Variants in RFC1 observed in about 807,000 individuals in gnomAD.
The protein encoded by RFC1 is replication factor C subunit 1, also known as A1 140 kDa subunit.
RFC1 carries 37 observed loss-of-function variants against 137.4 expected under a neutral mutation model. That is an observed-to-expected ratio of 0.27 (90% CI 0.21 to 0.35). RFC1 has a LOEUF of 0.35. Among genes scored for constraint, RFC1 ranks in the 10% least tolerant of loss-of-function variants. The pLI is 1.00. For missense variants in RFC1, 1,205 were observed against 1,358.5 expected (o/e 0.89, Z 1.78); for synonymous variants, 429 against 455.7 (o/e 0.94, Z 0.75).
At chr4:39,352,586 T>C (rs982632784) in intron 1 of RFC1, among the ~76,000 whole-genome samples, 1 of 152,252 alleles carries the variant, frequency 6.6e-6, no homozygotes, top group African/African-American at 2.4e-5. Flanking sequence ...CTACTTTATC[T>C]GTTTTCTCCT....
chr4:39,294,691 GAAAAGAAAA>G (rs1171277870), intron 22 of RFC1, among the ~76,000 whole-genome samples: 4 of 149,148 alleles, frequency 2.7e-5, no homozygotes, highest in African/African-American at 4.9e-5. Flanking sequence ...AAAAAGAAAA[GAAAAGAAAA>G]AAAAGAAAAA....
chr4:39,308,653 G>A lies in RFC1; in HGVS notation c.1868C>T (p.Ser623Phe), dbSNP rs1404170132. 2.5e-6 allele frequency: 4 copies of A among 1,610,084 alleles called. No homozygotes were observed. The highest frequency in any genetic ancestry group is 1.7e-5 in the Admixed American group (1 of 59,404). ...AAAATCACCGTGTTTTTTATCTTCG[G>A]AAGAACTCTTTTGCCAGTTTCGGAG... ...RWLRNWQKSS[S>F]EDKKHAKFGK... Residue 623 changes from serine (S) to phenylalanine (F), a missense_variant, in exon 13 of 25, where the codon TCC (serine) becomes TTC (phenylalanine). By Grantham distance (155) the Ser-to-Phe change is radical (BLOSUM62 -2). This residue lies in a region of RFC1 where 962 missense variants were observed against 1,035.3 expected (regional missense o/e 0.93). Transcript: ENST00000349703.
At chr4:39,306,493 C>CAA in intron 14 of RFC1, 99 bp downstream of exon 14, 2 of 660,592 alleles carry the variant, frequency 3.0e-6, no homozygotes, top group South Asian at 3.5e-5. Context: ...AGACACCACA[C>CAA]ACACACATGC....
chr4:39,338,899 A>C (rs1459734151), intron 4 of RFC1, among the ~76,000 whole-genome samples: 1 of 152,074 alleles, frequency 6.6e-6, no homozygotes, highest in African/African-American at 2.4e-5. Context: ...TGTAACCTCT[A>C]ATCAATATCT....
rs934649322 is a variant in RFC1, at chr4:39,300,141, G to A, written c.2691-3C>T. ...TCAGGTGCTTTTTCATGTCACCCCT[G>A]CAGGAAAGAACCAGTCTGGATTATC... On this transcript the variant is annotated splice_polypyrimidine_tract_variant and splice_region_variant and intron_variant, in intron 20 of 24. Transcript: ENST00000349703. 6.2e-7 allele frequency: 1 copy of A among 1,612,784 alleles called. No homozygotes were observed. Among genetic ancestry groups the A allele is most frequent in the African/African-American group, 1.3e-5 (1 of 74,834 alleles).
At chr4:39,294,730 T>C (rs4580661) in intron 22 of RFC1, among the ~76,000 whole-genome samples, 78,322 of 151,294 alleles carry the variant, frequency 0.52, 21,979 homozygotes, top group African/African-American at 0.75. Context: ...AGGCCAGGCA[T>C]GGCGGCTCAC....
chr4:39,321,440 G>A, intron 7 of RFC1, 66 bp from the exon 8 acceptor site: 1 of 1,461,334 alleles, frequency 6.8e-7, no homozygotes, highest in Non-Finnish European at 9.4e-7. Context: ...AAAATCTGTT[G>A]TTAAAATCCA....
chr4:39,361,833 G>A (rs1164551459), intron 1 of RFC1, among the ~76,000 whole-genome samples: 1 of 152,204 alleles, frequency 6.6e-6, no homozygotes, highest in Non-Finnish European at 1.5e-5. Flanking sequence ...CTGATCACGA[G>A]GTCAGGAGAT....
intron 13 of RFC1, among the ~76,000 whole-genome samples, chr4:39,307,071 C>G (rs1423978423): frequency 1.3e-5 from 2 of 152,168 alleles, no homozygotes; most frequent in Non-Finnish European, 2.9e-5. Context: ...TTAGAAGTGA[C>G]TTAGCCCCTC....
At chr4:39,306,251 G>A (rs928847295) in intron 14 of RFC1, among the ~76,000 whole-genome samples, 1 of 152,140 alleles carries the variant, frequency 6.6e-6, no homozygotes, top group African/African-American at 2.4e-5. Flanking sequence ...TAATTATTCA[G>A]TACACAGAAT....
chr4:39,289,720 T>C (rs1737564403), intron 24 of RFC1, 128 bp downstream of exon 24: 1 of 677,212 alleles, frequency 1.5e-6, no homozygotes, highest in Admixed American at 2.5e-5. Context: ...CCCTCAACCA[T>C]GATGAACAAA....
At chr4:39,363,734 A>T (rs936047125) in intron 1 of RFC1, among the ~76,000 whole-genome samples, 4 of 151,994 alleles carry the variant, frequency 2.6e-5, no homozygotes, top group African/African-American at 9.7e-5. Flanking sequence ...CTAAAAATAA[A>T]AAAATAAAAT....
intron 1 of RFC1, among the ~76,000 whole-genome samples, chr4:39,364,080 T>TAAAA (rs34471101): frequency 8.1e-6 from 1 of 122,910 alleles, no homozygotes; most frequent in African/African-American, 3.1e-5. Flanking sequence ...ACCTTGCCTT[T>TAAAA]AAAAAAAAAA....
chr4:39,317,127 G>A lies in RFC1; in HGVS notation c.1096-105C>T, dbSNP rs1466697812. On this transcript the variant is annotated intron_variant, in intron 9 of 24. Transcript: ENST00000349703. Reference sequence around the variant, plus strand: ...ATTATTTTTATTGTGTCACTTCTGTGTCTGGCTGTGAAATTAACAGTTTTA... The same window carrying A: ...ATTATTTTTATTGTGTCACTTCTGTATCTGGCTGTGAAATTAACAGTTTTA... 2.2e-5 allele frequency: 15 copies of A among 675,172 alleles called. No individual in the cohort carries two copies. In the East Asian group the frequency reaches 4.4e-4, roughly 20 times the overall value. The allele number at this position is 675,172 out of a possible 1,614,324, so 41.8% of individuals were successfully genotyped here.
intron 2 of RFC1, 36 bp from the exon 3 acceptor site, chr4:39,345,512 G>A (rs188817234): frequency 1.4e-4 from 204 of 1,508,534 alleles, no homozygotes; most frequent in Admixed American, 2.3e-4. Context: ...ACATAAAGAA[G>A]CCTATATAAC....
At chr4:39,358,267 C>T (rs936808153) in intron 1 of RFC1, among the ~76,000 whole-genome samples, 6 of 151,538 alleles carry the variant, frequency 4.0e-5, no homozygotes, top group Non-Finnish European at 7.4e-5. Flanking sequence ...AGCAAAATTC[C>T]GTTTCAAAAA....
intron 19 of RFC1, 100 bp downstream of exon 19, chr4:39,302,178 G>A: frequency 1.4e-6 from 1 of 718,744 alleles, no homozygotes; most frequent in South Asian, 1.6e-5. Flanking sequence ...GATTCCACAG[G>A]CATACCAAGG....
chr4:39,310,921 C>T (rs569172509), intron 12 of RFC1, among the ~76,000 whole-genome samples: 1 of 152,198 alleles, frequency 6.6e-6, no homozygotes, highest in Admixed American at 6.5e-5. Flanking sequence ...GTGGGTGAAT[C>T]ACTTGAGGTC....
intron 4 of RFC1, among the ~76,000 whole-genome samples, chr4:39,341,147 TAAC>T (rs1209680233): frequency 1.3e-5 from 2 of 152,232 alleles, no homozygotes; most frequent in Non-Finnish European, 1.5e-5. Flanking sequence ...AATCACAAGA[TAAC>T]AACAGCCCTG....
Sources: allele counts gnomAD v4.1 joint callset (sites outside exome capture counted in the v4.1 genomes callset), GRCh38; gene constraint gnomAD v4.1.1; regional missense constraint gnomAD v4.1.1; transcripts MANE v1.5; gene names NCBI Gene and HGNC (gene_info 2026-07-23, HGNC 2026-07-21).